Variants in CBLB observed in about 807,000 individuals in gnomAD.
CBLB encodes E3 ubiquitin-protein ligase CBL-B.
In CBLB, 31 loss-of-function variants were observed where a neutral mutation model predicts 104.9. The ratio of observed to expected loss-of-function variants is 0.30; its 90% CI spans 0.22 to 0.40. CBLB has a LOEUF of 0.40. Among genes scored for constraint, CBLB ranks in the 10% least tolerant of loss-of-function variants. The probability of loss-of-function intolerance (pLI) is 1.00; values close to 1 mark genes in which losing one functional copy is unlikely to be tolerated. For missense variants in CBLB, 1,062 were observed against 1,214.6 expected, an observed-to-expected ratio of 0.87 and a Z score of 1.87; for synonymous variants, 440 against 422.6, an observed-to-expected ratio of 1.04 and a Z score of -0.51.
chr3:105,730,689 TGAG>T (rs760405990), intron 9 of CBLB, among the ~76,000 whole-genome samples: 1 of 152,092 alleles, frequency 6.6e-6, no homozygotes. Flanking sequence ...CTGCTTTGTG[TGAG>T]GAGAATTCAA....
chr3:105,706,962 T>C (rs563960048), intron 10 of CBLB, among the ~76,000 whole-genome samples: 1 of 152,332 alleles, frequency 6.6e-6, no homozygotes, highest in Admixed American at 6.5e-5. Context: ...AGAATTGTGA[T>C]AGAGCTAACA....
At chr3:105,866,828 T>C (rs1355934959) in intron 2 of CBLB, among the ~76,000 whole-genome samples, 1 of 152,182 alleles carries the variant, frequency 6.6e-6, no homozygotes, top group African/African-American at 2.4e-5. Flanking sequence ...CAATGTGCCA[T>C]CGAAAGGTTT....
chr3:105,689,384 C>A (rs912694386), intron 13 of CBLB, among the ~76,000 whole-genome samples: 2 of 150,894 alleles, frequency 1.3e-5, no homozygotes, highest in African/African-American at 4.9e-5. Context: ...AACAAAAAAA[C>A]CTTTCTTACA....
intron 5 of CBLB, among the ~76,000 whole-genome samples, chr3:105,748,799 A>C (rs2076342040): frequency 1.3e-5 from 2 of 152,102 alleles, no homozygotes; most frequent in South Asian, 4.1e-4. Flanking sequence ...TTCCCTCTGC[A>C]ATTCTCAACT....
At chr3:105,830,748 G>C (rs894044833) in intron 3 of CBLB, among the ~76,000 whole-genome samples, 1 of 152,182 alleles carries the variant, frequency 6.6e-6, no homozygotes, top group Non-Finnish European at 1.5e-5. Flanking sequence ...GTAGCCTAAT[G>C]TGAAGTACAA....
Position 105,658,245 on chromosome 3 carries a change from A to G in CBLB, c.*725T>C, listed in dbSNP as rs2063474586. On this transcript the variant is annotated 3_prime_UTR_variant, in exon 19 of 19. Coordinates refer to ENST00000394030, the MANE Select transcript of CBLB (RefSeq NM_170662.5). ...GAGGATTAAAGGTTACAAAACTTAA[A>G]CAAAAAAGGGAAGCTCCTCTATGTT... 4.6e-6 allele frequency: 1 copy of G among 218,114 alleles called. No individual in the cohort carries two copies. The highest frequency in any genetic ancestry group is 5.8e-5 in the Admixed American group (1 of 17,206). The allele number at this position is 218,114 out of a possible 1,614,324, so 13.5% of individuals were successfully genotyped here. A position where few individuals can be genotyped will look rare whatever the true frequency, so the allele number is the denominator to read the frequency against.
intron 17 of CBLB, chr3:105,671,580 ATTGTT>A (rs1361294625): frequency 4.8e-6 from 1 of 209,158 alleles, no homozygotes; most frequent in African/African-American, 2.3e-5. Context: ...ATTGAATTTC[ATTGTT>A]TTAACTTCCA....
At chr3:105,747,011 G>A (rs933836766) in intron 5 of CBLB, among the ~76,000 whole-genome samples, 4 of 152,216 alleles carry the variant, frequency 2.6e-5, no homozygotes, top group African/African-American at 9.6e-5. Flanking sequence ...GTTTAAAAGT[G>A]AGTTACATAA....
At chr3:105,822,804 T>TAATG (rs2153061114) in intron 3 of CBLB, among the ~76,000 whole-genome samples, 1 of 152,338 alleles carries the variant, frequency 6.6e-6, no homozygotes, top group Admixed American at 6.5e-5. Context: ...CAGAAGTGAA[T>TAATG]AATGGCCTTC....
chr3:105,853,204 G>T (rs1395540759), intron 3 of CBLB, among the ~76,000 whole-genome samples: 2 of 152,102 alleles, frequency 1.3e-5, no homozygotes, highest in East Asian at 3.9e-4. Context: ...CTAGCTCTGT[G>T]TAAGTACACT....
At chr3:105,672,972 AC>A (rs1399496113) in intron 17 of CBLB, 1 of 152,074 alleles carries the variant, frequency 6.6e-6, no homozygotes. Context: ...ATGTGAACTT[AC>A]ATACTCGTAG....
intron 9 of CBLB, among the ~76,000 whole-genome samples, chr3:105,732,165 T>C (rs1209493164): frequency 1.3e-5 from 2 of 152,206 alleles, no homozygotes; most frequent in Non-Finnish European, 2.9e-5. Flanking sequence ...GGTACACCAA[T>C]CCTAAGTAGT....
rs181691005 is a variant in CBLB at position 105,694,245 on chromosome 3, A to T, written c.1960-657T>A. ...CCAAAGCCAGTGTTCAATTACTCTG[A>T]ATTAGGAGATTCTGATGTCTAGATT... On this transcript the variant is annotated intron_variant, in intron 12 of 18. Transcript: ENST00000394030. Among the ~76,000 whole-genome samples, 849 of 152,020 alleles carry T rather than the reference A, an allele frequency of 5.6e-3. 8 individuals carry two copies. Among genetic ancestry groups the T allele is most frequent in the Non-Finnish European group, 8.6e-3 (582 of 67,818 alleles).
chr3:105,835,220 A>T (rs1355819062), intron 3 of CBLB, among the ~76,000 whole-genome samples: 2 of 152,210 alleles, frequency 1.3e-5, no homozygotes, highest in Non-Finnish European at 2.9e-5. Context: ...CTATATCATG[A>T]ATAGTTCTAA....
chr3:105,860,924 G>A (rs2092029783), intron 2 of CBLB, among the ~76,000 whole-genome samples: 1 of 152,064 alleles, frequency 6.6e-6, no homozygotes, highest in African/African-American at 2.4e-5. Context: ...GAGGCTCTCA[G>A]GAAAAGACGT....
At chr3:105,761,117 C>T (rs2077578867) in intron 4 of CBLB, among the ~76,000 whole-genome samples, 1 of 152,136 alleles carries the variant, frequency 6.6e-6, no homozygotes. Context: ...ACTGCAACCT[C>T]GACCTCCCAG....
intron 4 of CBLB, among the ~76,000 whole-genome samples, chr3:105,771,535 C>A (rs913367783): frequency 2.6e-5 from 4 of 151,652 alleles, no homozygotes; most frequent in Non-Finnish European, 2.9e-5. Context: ...ACAGCCAGAG[C>A]AATCCAATAA....
At chr3:105,819,474 A>T (rs1365279274) in intron 3 of CBLB, among the ~76,000 whole-genome samples, 3 of 151,900 alleles carry the variant, frequency 2.0e-5, no homozygotes, top group African/African-American at 7.2e-5. Context: ...GCAACAGAGC[A>T]AGACTCCACC....
intron 7 of CBLB, among the ~76,000 whole-genome samples, chr3:105,740,101 C>CA (rs1296347703): frequency 2.4e-4 from 1 of 4,212 alleles, no homozygotes; most frequent in African/African-American, 2.9e-4. Flanking sequence ...GACTCCATCT[C>CA]AAAAAAAAAA....
Sources: gnomAD v4.1 joint callset for allele counts (sites outside exome capture counted in the v4.1 genomes callset) on GRCh38, gnomAD v4.1.1 for gene constraint, MANE v1.5 for transcripts, NCBI Gene and HGNC (gene_info 2026-07-23, HGNC 2026-07-21) for gene names.